Variants in TLN2 observed in about 807,000 individuals in gnomAD.
The protein encoded by TLN2 is talin 2.
In TLN2, 118 loss-of-function variants were observed where a neutral mutation model predicts 294.7. That is an observed-to-expected ratio of 0.40 (90% CI 0.34 to 0.47). TLN2 has a LOEUF of 0.47. Among genes scored for constraint, TLN2 ranks in the 20% least tolerant of loss-of-function variants. The pLI is 0.84. For missense variants in TLN2, 3,083 were observed against 3,282.2 expected, an observed-to-expected ratio of 0.94 and a Z score of 1.48; for synonymous variants, 1,431 against 1,304.5, an observed-to-expected ratio of 1.10 and a Z score of -2.09.
chr15:62,540,619 C>T (rs1304191337), intron 1 of TLN2, among the ~76,000 whole-genome samples: 1 of 151,992 alleles, frequency 6.6e-6, no homozygotes, highest in Non-Finnish European at 1.5e-5. Context: ...GAAGCCAGGA[C>T]CTGGACTTTG....
In TLN2 at chr15:62,647,256, G is replaced by C. The variant is rs1440675397; in HGVS notation, c.-36-19G>C. 2 of 1,573,650 alleles carry C rather than the reference G, an allele frequency of 1.3e-6. No individual in the cohort carries two copies. The highest frequency in any genetic ancestry group is 8.7e-7 in the Non-Finnish European group (1 of 1,155,842). ...ATTATTATCGTGAACATCAGGGTTTGTCTCTTTGTGTTTTCCAGACATTCT... is the reference window on the plus strand; with the variant it reads ...ATTATTATCGTGAACATCAGGGTTTCTCTCTTTGTGTTTTCCAGACATTCT... On this transcript the variant is annotated intron_variant, in intron 3 of 58. Transcript: ENST00000636159.
At chr15:62,710,968 C>T (rs537353937) in intron 21 of TLN2, among the ~76,000 whole-genome samples, 64 of 151,958 alleles carry the variant, frequency 4.2e-4, no homozygotes, top group Middle Eastern at 3.4e-3. Flanking sequence ...CCTCGTGATC[C>T]GCCCACCTCG....
intron 2 of TLN2, among the ~76,000 whole-genome samples, chr15:62,601,408 C>G (rs1013379274): frequency 1.3e-5 from 2 of 152,202 alleles, no homozygotes; most frequent in African/African-American, 4.8e-5. Flanking sequence ...ACATGTTCCT[C>G]TCTTCCTTGT....
chr15:62,829,065 A>G (rs1336394391), intron 54 of TLN2: 1 of 151,856 alleles, frequency 6.6e-6, no homozygotes, highest in Non-Finnish European at 1.5e-5. Context: ...GTGATTCTGC[A>G]GTGAGGGCTA....
intron 1 of TLN2, among the ~76,000 whole-genome samples, chr15:62,541,838 G>T (rs1209393584): frequency 6.6e-6 from 1 of 151,942 alleles, no homozygotes; most frequent in Admixed American, 6.6e-5. Flanking sequence ...ACTTCAAGAT[G>T]TTTGTTTTCA....
At chr15:62,640,383 G>T (rs763462452) in intron 3 of TLN2, 4 of 456,690 alleles carry the variant, frequency 8.8e-6, no homozygotes, top group South Asian at 6.2e-5. Context: ...AGAGAAGAGG[G>T]GGACGGTGGC....
At chr15:62,647,594 C>T in intron 4 of TLN2, 148 bp downstream of exon 4, 2 of 1,121,680 alleles carry the variant, frequency 1.8e-6, no homozygotes, top group Non-Finnish European at 2.5e-6. Context: ...ACACTACCTG[C>T]TTCCTCTGTG....
chr15:62,678,377 C>A (rs1183128330), intron 11 of TLN2, among the ~76,000 whole-genome samples: 1 of 152,182 alleles, frequency 6.6e-6, no homozygotes, highest in Non-Finnish European at 1.5e-5. Context: ...TATCATATAA[C>A]TATTTTATAT....
chr15:62,510,300 C>A (rs2140450306), intron 1 of TLN2, among the ~76,000 whole-genome samples: 1 of 152,224 alleles, frequency 6.6e-6, no homozygotes, highest in South Asian at 2.1e-4. Flanking sequence ...GAGTGGTGAA[C>A]CAGAGGGTGG....
At position 62,716,399 on chromosome 15, in the gene TLN2, G is replaced by C. The variant is rs763013038; in HGVS notation, c.2703G>C (p.Arg901=). ...TGAGAGAAGCTGCAGAAGGCCTCCG[G>C]GTAGCAACCAACGCAGCTGCCCAGA... The part of the protein sequence containing the change: ...QRLREAAEGL[R]VATNAAAQNA... Residue 901 remains arginine (R), a synonymous_variant, in exon 23 of 59, where the codon CGG becomes CGC. Coordinates refer to ENST00000636159, the MANE Select transcript of TLN2 (RefSeq NM_015059.3). 11 of 1,611,832 alleles carry C rather than the reference G, an allele frequency of 6.8e-6. No homozygotes were observed. The South Asian group carries it at 1.1e-4, about 16-fold the overall frequency.
At chr15:62,737,123 C>T (rs368060888) in intron 29 of TLN2, 37 bp downstream of exon 29, 2 of 1,608,026 alleles carry the variant, frequency 1.2e-6, no homozygotes, top group Non-Finnish European at 1.7e-6. Flanking sequence ...TTGTCATGGT[C>T]ATCATTAACG....
chr15:62,687,058 A>C (rs562265730), intron 12 of TLN2, among the ~76,000 whole-genome samples: 2 of 152,288 alleles, frequency 1.3e-5, no homozygotes, highest in South Asian at 4.1e-4. Flanking sequence ...ATCTAGAAAA[A>C]GCCACTCACC....
chr15:62,814,128 G>C (rs902564235), intron 52 of TLN2, among the ~76,000 whole-genome samples: 33 of 152,196 alleles, frequency 2.2e-4, no homozygotes, highest in African/African-American at 7.2e-4. Flanking sequence ...TTTATTAAGA[G>C]CATACAGTAT....
chr15:62,480,132 C>G (rs764720633), intron 1 of TLN2, among the ~76,000 whole-genome samples: 1 of 152,148 alleles, frequency 6.6e-6, no homozygotes, highest in Non-Finnish European at 1.5e-5. Flanking sequence ...AAGGGGAGAG[C>G]AGGTGGGTGG....
At chr15:62,782,227 C>T (rs905426831) in intron 44 of TLN2, among the ~76,000 whole-genome samples, 2 of 152,226 alleles carry the variant, frequency 1.3e-5, no homozygotes, top group Non-Finnish European at 2.9e-5. Context: ...TCCCTGGCTG[C>T]TGCCATTCAT....
chr15:62,724,103 A>G (rs1231502619), intron 26 of TLN2, among the ~76,000 whole-genome samples: 2 of 152,100 alleles, frequency 1.3e-5, no homozygotes, highest in East Asian at 3.9e-4. Flanking sequence ...TGCCAAGAGC[A>G]TGCCACTGCA....
chr15:62,564,390 G>A (rs748311420), intron 1 of TLN2, among the ~76,000 whole-genome samples: 13 of 152,270 alleles, frequency 8.5e-5, no homozygotes, highest in Middle Eastern at 3.4e-3. Context: ...ATTATCCCTG[G>A]TAGAGCTGAC....
chr15:62,480,856 A>T (rs909362362), intron 1 of TLN2, among the ~76,000 whole-genome samples: 2 of 152,224 alleles, frequency 1.3e-5, no homozygotes, highest in African/African-American at 4.8e-5. Context: ...TAAAGTGTTC[A>T]GACCTTTCCT....
At chr15:62,456,721 T>C (rs1244921301) in intron 1 of TLN2, among the ~76,000 whole-genome samples, 2 of 152,180 alleles carry the variant, frequency 1.3e-5, no homozygotes, top group African/African-American at 4.8e-5. Flanking sequence ...ACATAGTTAG[T>C]ATGTTTTCAG....
Sources: allele counts gnomAD v4.1 joint callset (sites outside exome capture counted in the v4.1 genomes callset), GRCh38; gene constraint gnomAD v4.1.1; transcripts MANE v1.5; gene names NCBI Gene and HGNC (gene_info 2026-07-23, HGNC 2026-07-21).